VANGL2: variants seen among roughly 807,000 people sequenced by gnomAD.
VANGL2 encodes the protein vang-like protein 2.
A neutral mutation model predicts 50.2 loss-of-function variants in VANGL2; 14 were observed. The observed-to-expected ratio is 0.28, with a 90% CI of 0.18 to 0.44. The LOEUF (loss-of-function observed/expected upper bound fraction) is 0.44, where lower values mean the gene tolerates loss of function less well. Ranked by LOEUF, VANGL2 falls within the 20% of genes least tolerant of loss-of-function variation. VANGL2 has a pLI of 1.00. For missense variants in VANGL2, 533 were observed against 701.5 expected, an observed-to-expected ratio of 0.76 and a Z score of 2.71; for synonymous variants, 295 against 297.2, an observed-to-expected ratio of 0.99 and a Z score of 0.08.
At chr1:160,405,261 G>A (rs890162077) in intron 1 of VANGL2, among the ~76,000 whole-genome samples, 2 of 152,122 alleles carry the variant, frequency 1.3e-5, no homozygotes, top group Non-Finnish European at 2.9e-5. Context: ...GGCAGCAGAG[G>A]TGAAGGAAAG....
chr1:160,408,905 G>A (rs138483354), intron 1 of VANGL2, among the ~76,000 whole-genome samples: 2,868 of 152,332 alleles, frequency 0.019, 25 homozygotes, highest in Non-Finnish European at 0.028. Context: ...TAGTCTTTTC[G>A]GTGATAGCAA....
chr1:160,416,935 C>T (rs1331340021), intron 3 of VANGL2, among the ~76,000 whole-genome samples: 2 of 152,106 alleles, frequency 1.3e-5, no homozygotes, highest in Admixed American at 6.5e-5. Flanking sequence ...ATCTCTGTGG[C>T]TGACATTGGG....
intron 6 of VANGL2, among the ~76,000 whole-genome samples, 164 bp downstream of exon 6, chr1:160,421,351 G>T (rs1200540184): frequency 1.3e-5 from 2 of 152,184 alleles, no homozygotes; most frequent in African/African-American, 4.8e-5. Flanking sequence ...CATAAACTTA[G>T]CAGCTGTGAA....
Position 160,425,511 on chromosome 1 carries a change from A to G in VANGL2, c.*133A>G, listed in dbSNP as rs1425278204. On this transcript the variant is annotated 3_prime_UTR_variant, in exon 8 of 8. Transcript: ENST00000368061. ...CTTTTTTTTTTACTTGAATTAACGCACCCCCACCTTCTCTCCTCGCTTCTT... is the reference window on the plus strand; with the variant it reads ...CTTTTTTTTTTACTTGAATTAACGCGCCCCCACCTTCTCTCCTCGCTTCTT... 3.6e-6 allele frequency: 3 copies of G among 822,840 alleles called. No individual in the cohort carries two copies. Among genetic ancestry groups the G allele is most frequent in the Non-Finnish European group, 3.7e-6 (2 of 545,584 alleles). The allele number at this position is 822,840 out of a possible 1,614,324, so 51.0% of individuals were successfully genotyped here. A position where few individuals can be genotyped will look rare whatever the true frequency, so the allele number is the denominator to read the frequency against.
intron 3 of VANGL2, among the ~76,000 whole-genome samples, chr1:160,417,607 C>T (rs1651106345): frequency 6.6e-6 from 1 of 152,252 alleles, no homozygotes; most frequent in Non-Finnish European, 1.5e-5. Context: ...CCCTTTACCC[C>T]TGGGGTCTTC....
rs1651027826 is a variant in VANGL2, at chr1:160,415,674, A to C, written c.-164A>C. ...AGCGTCGCTGGATTTTCTCTGAGAC[A>C]AGCCCACCCGTCCAGCAAAATAGAG... On this transcript the variant is annotated 5_prime_UTR_variant, in exon 2 of 8. Coordinates refer to ENST00000368061, the MANE Select transcript of VANGL2 (RefSeq NM_020335.3). The C allele has an allele frequency of 1.3e-6, 1 of 785,862 alleles. No individual in the cohort carries two copies. The allele number at this position is 785,862 out of a possible 1,614,324, so 48.7% of individuals were successfully genotyped here.
At position 160,420,490 on chromosome 1, in the gene VANGL2, C is replaced by T; in HGVS notation, c.880C>T (p.Pro294Ser). The change falls in exon 5 of 8, where the codon CCC becomes TCC. Residue 294 changes from proline to serine, a missense_variant. Transcript: ENST00000368061. ...CTACAACCCTGCCCTCCTCAACCTG[C>T]CCAAGTCCGTCCTGGCCAAGAAAGT... Reference protein sequence around the residue: ...PVYNPALLNLPKSVLAKKVSG... With the variant: ...PVYNPALLNLSKSVLAKKVSG... 1 of 1,614,146 alleles carries T rather than the reference C, an allele frequency of 6.2e-7. No individual in the cohort carries two copies. The highest frequency in any genetic ancestry group is 8.5e-7 in the Non-Finnish European group (1 of 1,180,024).
chr1:160,417,844 G>A (rs1651113845), intron 3 of VANGL2, among the ~76,000 whole-genome samples: 1 of 152,040 alleles, frequency 6.6e-6, no homozygotes, highest in Non-Finnish European at 1.5e-5. Context: ...TGCCCTGGAG[G>A]CTCCTCCTCT....
At chr1:160,421,294 G>C in intron 6 of VANGL2, 107 bp downstream of exon 6, 2 of 1,449,476 alleles carry the variant, frequency 1.4e-6, no homozygotes, top group Middle Eastern at 2.4e-4. Flanking sequence ...ATGATGACAT[G>C]AGTTGGGGGT....
At chr1:160,407,935 C>A (rs1438011174) in intron 1 of VANGL2, among the ~76,000 whole-genome samples, 1 of 152,228 alleles carries the variant, frequency 6.6e-6, no homozygotes, top group Non-Finnish European at 1.5e-5. Flanking sequence ...TGGTTGCCTT[C>A]CCACCAGCTT....
chr1:160,413,348 T>A (rs1650947125), intron 1 of VANGL2, among the ~76,000 whole-genome samples: 1 of 151,554 alleles, frequency 6.6e-6, no homozygotes, highest in East Asian at 1.9e-4. Flanking sequence ...TGGCATGATC[T>A]CGGCTCACTG....
At chr1:160,409,631 A>G (rs957891589) in intron 1 of VANGL2, among the ~76,000 whole-genome samples, 2 of 152,162 alleles carry the variant, frequency 1.3e-5, no homozygotes, top group African/African-American at 4.8e-5. Flanking sequence ...ACATCTGTGA[A>G]ACTCAGGGGA....
intron 1 of VANGL2, among the ~76,000 whole-genome samples, chr1:160,407,631 G>T (rs1426952822): frequency 6.6e-6 from 1 of 152,244 alleles, no homozygotes; most frequent in Non-Finnish European, 1.5e-5. Flanking sequence ...GCCAGGGACA[G>T]TTGGGGCCTA....
chr1:160,420,585 C>T (rs1651233987), intron 5 of VANGL2, 38 bp downstream of exon 5: 4 of 1,613,908 alleles, frequency 2.5e-6, no homozygotes, highest in African/African-American at 1.3e-5. Context: ...CCTGTCTCTT[C>T]CCAAGCAGGA....
intron 1 of VANGL2, among the ~76,000 whole-genome samples, chr1:160,401,732 T>C (rs1481012005): frequency 6.6e-6 from 1 of 152,004 alleles, no homozygotes; most frequent in Non-Finnish European, 1.5e-5. Context: ...AGGGCGTGTA[T>C]GTCTATGTGT....
At chr1:160,411,033 TC>T (rs977250154) in intron 1 of VANGL2, among the ~76,000 whole-genome samples, 1 of 147,504 alleles carries the variant, frequency 6.8e-6, no homozygotes, top group African/African-American at 2.5e-5. Context: ...CCTGCCAAGC[TC>T]CCCCCCAATC....
Position 160,428,433 on chromosome 1 carries a change from C to G in VANGL2, c.*3055C>G, listed in dbSNP as rs1297564882. On this transcript the variant is annotated 3_prime_UTR_variant, in exon 8 of 8. Coordinates refer to ENST00000368061, the MANE Select transcript of VANGL2 (RefSeq NM_020335.3). ...AGTGAGATTGTAAATGTAGAATTTT[C>G]CACTGTTGGATCTAGATTTTTTTTC... 6.7e-6 allele frequency: 1 copy of G among 148,894 alleles called. No homozygotes were observed. Among genetic ancestry groups the G allele is most frequent in the Non-Finnish European group, 1.5e-5 (1 of 67,408 alleles). 9.2% of individuals were successfully genotyped at this position (148,894 alleles called of 1,614,324 possible).
intron 5 of VANGL2, 78 bp downstream of exon 5, chr1:160,420,625 T>C (rs546916241): frequency 6.2e-7 from 1 of 1,607,654 alleles, no homozygotes; most frequent in Non-Finnish European, 8.5e-7. Flanking sequence ...TTTTACCCTT[T>C]GTCCCTTGCT....
At chr1:160,402,073 A>G (rs746869884) in intron 1 of VANGL2, among the ~76,000 whole-genome samples, 28 of 152,122 alleles carry the variant, frequency 1.8e-4, no homozygotes, top group Non-Finnish European at 3.8e-4. Context: ...TAGTACCTTA[A>G]GTATCTGAGA....
Sources: allele counts gnomAD v4.1 joint callset (sites outside exome capture counted in the v4.1 genomes callset), GRCh38; gene constraint gnomAD v4.1.1; transcripts MANE v1.5; gene names NCBI Gene and HGNC (gene_info 2026-07-23, HGNC 2026-07-21).